The following KIAA0825 variants were observed in gnomAD, a reference collection of about 807,000 sequenced individuals.
KIAA0825 encodes uncharacterized protein KIAA0825.
KIAA0825 carries 119 observed loss-of-function variants against 147.6 expected under a neutral mutation model. That is an observed-to-expected ratio of 0.81 (90% CI 0.69 to 0.94). The LOEUF (loss-of-function observed/expected upper bound fraction) is 0.94, where lower values mean the gene tolerates loss of function less well. Among genes scored for constraint, KIAA0825 ranks in the 40% least tolerant of loss-of-function variants. The pLI, the probability that KIAA0825 is intolerant of heterozygous loss-of-function variation, is 0.00. For missense variants in KIAA0825, 1,381 were observed against 1,472.7 expected (o/e 0.94, Z 1.02); for synonymous variants, 470 against 518.1 (o/e 0.91, Z 1.26).
intron 2 of KIAA0825, among the ~76,000 whole-genome samples, chr5:94,572,341 T>C (rs1338652717): frequency 6.6e-6 from 1 of 152,210 alleles, no homozygotes; most frequent in Non-Finnish European, 1.5e-5. Flanking sequence ...CCCTTCATGC[T>C]GTTCTTGAAA....
chr5:94,324,725 T>A (rs989057633), intron 20 of KIAA0825, among the ~76,000 whole-genome samples: 4 of 151,974 alleles, frequency 2.6e-5, no homozygotes, highest in Admixed American at 1.3e-4. Context: ...TTTTAAAAGA[T>A]AATGAAAAGA....
At chr5:94,168,059 A>G (rs999233992) in intron 20 of KIAA0825, among the ~76,000 whole-genome samples, 2 of 150,070 alleles carry the variant, frequency 1.3e-5, no homozygotes, top group Non-Finnish European at 3.0e-5. Flanking sequence ...ATACATAGAA[A>G]TAAATATAAT....
chr5:94,470,664 T>A (rs1029007803), intron 9 of KIAA0825, among the ~76,000 whole-genome samples: 1 of 152,246 alleles, frequency 6.6e-6, no homozygotes, highest in African/African-American at 2.4e-5. Flanking sequence ...ATCTGACTAC[T>A]TATGAGAATT....
intron 6 of KIAA0825, among the ~76,000 whole-genome samples, chr5:94,478,552 T>C (rs986094045): frequency 2.0e-5 from 3 of 152,058 alleles, no homozygotes; most frequent in Non-Finnish European, 4.4e-5. Flanking sequence ...TTAAGAATCC[T>C]ATTCCATTTC....
At chr5:94,193,618 T>G (rs1770871797) in intron 20 of KIAA0825, among the ~76,000 whole-genome samples, 1 of 152,200 alleles carries the variant, frequency 6.6e-6, no homozygotes, top group South Asian at 2.1e-4. Context: ...TGAAAATATG[T>G]CAGGCACTCA....
At chr5:94,247,612 A>G (rs1775697897) in intron 20 of KIAA0825, among the ~76,000 whole-genome samples, 1 of 152,110 alleles carries the variant, frequency 6.6e-6, no homozygotes, top group Admixed American at 6.6e-5. Flanking sequence ...TTTATCCAGC[A>G]CGTATTTTGC....
chr5:94,554,889 A>G (rs934525268), intron 2 of KIAA0825, among the ~76,000 whole-genome samples: 9 of 151,190 alleles, frequency 6.0e-5, no homozygotes, highest in African/African-American at 2.2e-4. Context: ...CAAAGCTGGG[A>G]TTCCTATTGC....
chr5:94,353,695 T>C (rs1405439939), intron 20 of KIAA0825, among the ~76,000 whole-genome samples: 1 of 152,154 alleles, frequency 6.6e-6, no homozygotes, highest in African/African-American at 2.4e-5. Flanking sequence ...TTATATATTC[T>C]ACGTGAAATG....
Position 94,387,655 on chromosome 5 carries a change from A to G in KIAA0825, c.3457-1251T>C, listed in dbSNP as rs1169397120. Among the ~76,000 whole-genome samples, 7 of 151,946 alleles carry G rather than the reference A, an allele frequency of 4.6e-5. No individual in the cohort carries two copies. In the South Asian group the frequency reaches 6.3e-4, roughly 14 times the overall value. The stretch of plus-strand genomic sequence containing the variant: ...GGTTACAGTAAGCTGAGATCGCACC[A>G]CTGCACTCCAGCCTGGGCGACAGAG... On this transcript the variant is annotated intron_variant, in intron 18 of 20. Transcript: ENST00000682413.
chr5:94,300,381 A>G (rs1024213445), intron 20 of KIAA0825, among the ~76,000 whole-genome samples: 21 of 152,222 alleles, frequency 1.4e-4, no homozygotes, highest in African/African-American at 5.1e-4. Flanking sequence ...GTCTTATTCA[A>G]TTGTCCCATT....
At chr5:94,344,363 G>A (rs1333676368) in intron 20 of KIAA0825, among the ~76,000 whole-genome samples, 5 of 152,196 alleles carry the variant, frequency 3.3e-5, no homozygotes, top group Non-Finnish European at 7.3e-5. Flanking sequence ...ATTATTTCAT[G>A]TATGTAAAGT....
At chr5:94,552,766 A>G (rs1373812484) in intron 2 of KIAA0825, among the ~76,000 whole-genome samples, 1 of 152,240 alleles carries the variant, frequency 6.6e-6, no homozygotes. Flanking sequence ...TAAGCCAGGA[A>G]CAGAAAGTTA....
chr5:94,344,493 A>G (rs1782777168), intron 20 of KIAA0825, among the ~76,000 whole-genome samples: 1 of 152,210 alleles, frequency 6.6e-6, no homozygotes, highest in Non-Finnish European at 1.5e-5. Context: ...GCTGCTATGG[A>G]AAACAATATG....
intron 20 of KIAA0825, among the ~76,000 whole-genome samples, chr5:94,165,029 A>G (rs950629411): frequency 9.9e-5 from 15 of 152,174 alleles, no homozygotes; most frequent in Non-Finnish European, 1.9e-4. Flanking sequence ...ACAAGTTAAA[A>G]AGCTTCTGGA....
At chr5:94,334,063 G>A (rs1781547529) in intron 20 of KIAA0825, among the ~76,000 whole-genome samples, 2 of 150,472 alleles carry the variant, frequency 1.3e-5, no homozygotes, top group African/African-American at 2.5e-5. Context: ...TTCCCATCAA[G>A]CTACCATTGA....
intron 2 of KIAA0825, among the ~76,000 whole-genome samples, chr5:94,575,444 A>T (rs2152339616): frequency 6.6e-6 from 1 of 152,300 alleles, no homozygotes; most frequent in South Asian, 2.1e-4. Context: ...AGACAGTTAC[A>T]ACTCAGAGAA....
intron 1 of KIAA0825, among the ~76,000 whole-genome samples, chr5:94,596,698 CA>C (rs1188776191): frequency 6.6e-6 from 1 of 152,192 alleles, no homozygotes; most frequent in Non-Finnish European, 1.5e-5. Context: ...TTGAGTCTAT[CA>C]ATCCATGAGC....
intron 2 of KIAA0825, among the ~76,000 whole-genome samples, chr5:94,538,355 G>C (rs1440350612): frequency 1.3e-5 from 2 of 152,194 alleles, no homozygotes; most frequent in African/African-American, 4.8e-5. Flanking sequence ...GGGGAAAGAA[G>C]TAAGTGGGAA....
chr5:94,384,012 C>T (rs533082181), intron 20 of KIAA0825, among the ~76,000 whole-genome samples: 12 of 152,104 alleles, frequency 7.9e-5, no homozygotes, highest in Admixed American at 3.9e-4. Flanking sequence ...ATTATAATAA[C>T]GTTCAAGTCA....
Sources: gnomAD v4.1 joint callset for allele counts (sites outside exome capture counted in the v4.1 genomes callset) on GRCh38, gnomAD v4.1.1 for gene constraint, MANE v1.5 for transcripts, NCBI Gene and HGNC (gene_info 2026-07-23, HGNC 2026-07-21) for gene names.